Variants in TBC1D19 observed in about 807,000 individuals in gnomAD.
The protein encoded by TBC1D19 is TBC1 domain family member 19, also known as TBC1 domain family, member 19.
A neutral mutation model predicts 89.0 loss-of-function variants in TBC1D19; 60 were observed. The ratio of observed to expected loss-of-function variants is 0.67; its 90% confidence interval spans 0.55 to 0.84. TBC1D19 has a LOEUF of 0.84. Among genes scored for constraint, TBC1D19 ranks in the 40% least tolerant of loss-of-function variants. TBC1D19 has a pLI of 0.00. For synonymous variants in TBC1D19, 189 were observed against 199.7 expected, an observed-to-expected ratio of 0.95 and a Z score of 0.45; for missense variants, 500 against 610.8, an observed-to-expected ratio of 0.82 and a Z score of 1.91.
chr4:26,621,595 A>G (rs1418522832), intron 4 of TBC1D19, among the ~76,000 whole-genome samples: 1 of 152,168 alleles, frequency 6.6e-6, no homozygotes, highest in East Asian at 1.9e-4. Context: ...AACAGTGGAA[A>G]TTAGGCACTT....
At chr4:26,733,478 C>T (rs1008685763) in intron 15 of TBC1D19, among the ~76,000 whole-genome samples, 2 of 152,220 alleles carry the variant, frequency 1.3e-5, no homozygotes, top group East Asian at 1.9e-4. Context: ...CACACACACA[C>T]ACACACTCTT....
chr4:26,808,737 A>AG, the TBC1D19 span, among the ~76,000 whole-genome samples: 1 of 149,708 alleles, frequency 6.7e-6, no homozygotes, highest in South Asian at 2.1e-4. Flanking sequence ...CAAAAAAAAA[A>AG]AAAAAAAAAG....
chr4:26,582,062 A>T (rs1577738063), upstream of TBC1D19, among the ~76,000 whole-genome samples: 1 of 152,182 alleles, frequency 6.6e-6, no homozygotes, highest in South Asian at 2.1e-4. Context: ...CTCTTCTTTA[A>T]CAAAATTATT....
intron 1 of TBC1D19, among the ~76,000 whole-genome samples, chr4:26,594,462 T>G (rs978594399): frequency 6.6e-6 from 1 of 152,068 alleles, no homozygotes; most frequent in African/African-American, 2.4e-5. Flanking sequence ...ATTAACTGCC[T>G]GTTTTTCTGT....
chr4:26,710,917 T>A (rs963314802), intron 13 of TBC1D19, among the ~76,000 whole-genome samples: 5 of 152,190 alleles, frequency 3.3e-5, no homozygotes, highest in Non-Finnish European at 7.4e-5. Context: ...CTTTGTAGAT[T>A]CTGGATGTTA....
At chr4:26,623,026 ATC>A (rs1310673007) in intron 4 of TBC1D19, among the ~76,000 whole-genome samples, 1 of 152,118 alleles carries the variant, frequency 6.6e-6, no homozygotes, top group Non-Finnish European at 1.5e-5. Flanking sequence ...GTAAGTATCT[ATC>A]TGTCTTTCTA....
upstream of TBC1D19, among the ~76,000 whole-genome samples, chr4:26,579,981 A>G (rs1739036180): frequency 6.6e-6 from 1 of 152,234 alleles, no homozygotes; most frequent in Non-Finnish European, 1.5e-5. Flanking sequence ...ACACTGAACC[A>G]ACCTTGGGAC....
At chr4:26,647,523 C>G (rs1397241396) in intron 7 of TBC1D19, among the ~76,000 whole-genome samples, 1 of 152,140 alleles carries the variant, frequency 6.6e-6, no homozygotes. Context: ...AGAATCTGTT[C>G]TTAGCACAGC....
chr4:26,693,346 T>G (rs1195037766), intron 13 of TBC1D19, among the ~76,000 whole-genome samples: 1 of 152,052 alleles, frequency 6.6e-6, no homozygotes, highest in Non-Finnish European at 1.5e-5. Context: ...CAAATAAAAC[T>G]TCAAAGCAGC....
At chr4:26,578,430 A>C (rs1202686312) in intron 1 of TBC1D19, among the ~76,000 whole-genome samples, 1 of 152,206 alleles carries the variant, frequency 6.6e-6, no homozygotes, top group Non-Finnish European at 1.5e-5. Flanking sequence ...TGTCTTGTAG[A>C]TATTGCTAGG....
the TBC1D19 span, among the ~76,000 whole-genome samples, chr4:26,798,039 T>G: frequency 6.6e-6 from 1 of 152,000 alleles, no homozygotes; most frequent in Non-Finnish European, 1.5e-5. Flanking sequence ...ATAAAAATAG[T>G]CAAATGGGAC....
chr4:26,768,764 C>T, the TBC1D19 span, among the ~76,000 whole-genome samples: 2 of 151,530 alleles, frequency 1.3e-5, no homozygotes, highest in Admixed American at 1.3e-4. Context: ...TAGAAACTAT[C>T]CAAAATGAAA....
At chr4:26,652,407 GT>G (rs1744460142) in intron 7 of TBC1D19, among the ~76,000 whole-genome samples, 3 of 151,608 alleles carry the variant, frequency 2.0e-5, no homozygotes, top group African/African-American at 7.3e-5. Context: ...TTATTTTTTT[GT>G]TTTTCCTTTT....
chr4:26,611,617 C>T (rs1741385622), intron 1 of TBC1D19, among the ~76,000 whole-genome samples: 1 of 152,024 alleles, frequency 6.6e-6, no homozygotes, highest in Non-Finnish European at 1.5e-5. Context: ...TTGCTCAATG[C>T]CTAGAATTAG....
In TBC1D19 at chr4:26,734,884, A is replaced by G. The variant is rs536492345; in HGVS notation, c.1085-571A>G. Among the ~76,000 whole-genome samples, 102 of 127,028 alleles carry G rather than the reference A, an allele frequency of 8.0e-4. 1 individual carries two copies. The highest frequency in any genetic ancestry group is 4.1e-3 in the Middle Eastern group (1 of 246). 83.3% of individuals were successfully genotyped at this position (127,028 alleles called of 152,430 possible). A position where few individuals can be genotyped will look rare whatever the true frequency, so the allele number is the denominator to read the frequency against. ...CCTGTTGTTTTGTGTGTGTATATGT[A>G]TACGTATGTGTGTGTATATATACAC... On this transcript the variant is annotated intron_variant, in intron 15 of 20. Coordinates refer to ENST00000264866, the MANE Select transcript of TBC1D19 (RefSeq NM_018317.4).
At chr4:26,815,582 G>A in the TBC1D19 span, among the ~76,000 whole-genome samples, 2 of 152,268 alleles carry the variant, frequency 1.3e-5, no homozygotes, top group East Asian at 3.9e-4. Flanking sequence ...CAGGTTCTGT[G>A]TTCATGTTAC....
intron 13 of TBC1D19, chr4:26,702,167 C>T (rs1386910279): frequency 6.6e-6 from 1 of 152,110 alleles, no homozygotes; most frequent in South Asian, 2.1e-4. Flanking sequence ...AGAACTAACC[C>T]TTAAGGGAGC....
intron 11 of TBC1D19, among the ~76,000 whole-genome samples, chr4:26,678,520 C>T (rs564982538): frequency 3.4e-5 from 5 of 147,134 alleles, no homozygotes; most frequent in South Asian, 2.1e-4. Flanking sequence ...CCTGGCTCAG[C>T]GAAACTGCTT....
At chr4:26,853,947 C>T in the TBC1D19 span, among the ~76,000 whole-genome samples, 19 of 152,236 alleles carry the variant, frequency 1.2e-4, 1 homozygote, top group Non-Finnish European at 2.6e-4. Flanking sequence ...TGTTTTCCTT[C>T]GTTTCCATAT....
Sources: gnomAD v4.1 joint callset for allele counts (sites outside exome capture counted in the v4.1 genomes callset) on GRCh38, gnomAD v4.1.1 for gene constraint, MANE v1.5 for transcripts, NCBI Gene and HGNC (gene_info 2026-07-23, HGNC 2026-07-21) for gene names.